The following PCDH15 variants were observed in gnomAD, a reference collection of about 807,000 sequenced individuals.
PCDH15 encodes the protein protocadherin-15.
In PCDH15, 129 loss-of-function variants were observed where a neutral mutation model predicts 178.5. The ratio of observed to expected loss-of-function variants is 0.72; its 90% CI spans 0.63 to 0.84. The LOEUF (loss-of-function observed/expected upper bound fraction) is 0.84. PCDH15 is among the 40% of genes least tolerant of loss of function. The pLI is 0.00. For missense variants in PCDH15, 2,230 were observed against 2,099.9 expected (o/e 1.06, Z -1.21); for synonymous variants, 800 against 732.0 (o/e 1.09, Z -1.50).
At position 54,883,365 on chromosome 10, in the gene PCDH15, A is replaced by G. The variant is rs556116344; in HGVS notation, c.-29+14085T>C. ...TGGCTTTCCAAAGAAAAGGAATTTTATAATACATTTTTACTGGATCCTTTG... is the reference window on the plus strand; with the variant it reads ...TGGCTTTCCAAAGAAAAGGAATTTTGTAATACATTTTTACTGGATCCTTTG... On this transcript the variant is annotated intron_variant, in intron 3 of 5. Transcript: ENST00000458638. 4.6e-5 allele frequency among the ~76,000 whole-genome samples: 7 copies of G among 152,184 alleles called. No homozygotes were observed. The South Asian group carries it at 6.2e-4, about 14-fold the overall frequency.
intron 2 of PCDH15, among the ~76,000 whole-genome samples, chr10:55,341,770 TA>T (rs1844565991): frequency 1.5e-4 from 2 of 13,064 alleles, no homozygotes; most frequent in Non-Finnish European, 3.2e-4. Flanking sequence ...TGCATATATA[TA>T]TATATATATA....
intron 14 of PCDH15, among the ~76,000 whole-genome samples, chr10:54,133,285 A>C (rs1002382484): frequency 6.6e-6 from 1 of 152,242 alleles, no homozygotes; most frequent in Non-Finnish European, 1.5e-5. Context: ...AAAGCTAATA[A>C]ATTAACTTGC....
intron 8 of PCDH15, among the ~76,000 whole-genome samples, chr10:54,295,739 C>T (rs1001240822): frequency 2.0e-5 from 3 of 152,176 alleles, no homozygotes; most frequent in South Asian, 2.1e-4. Context: ...TTGGCAACCA[C>T]GAAGGGATAA....
At chr10:54,477,666 G>A (rs868745313) in intron 3 of PCDH15, among the ~76,000 whole-genome samples, 1 of 152,226 alleles carries the variant, frequency 6.6e-6, no homozygotes, top group East Asian at 1.9e-4. Flanking sequence ...ATGCAATCTT[G>A]GCTCACTGCA....
rs950431043 is a variant in PCDH15 at position 53,827,627 on chromosome 10, G to C, written c.4212-79C>G. On this transcript the variant is annotated intron_variant, in intron 31 of 37. Coordinates refer to ENST00000644397, the MANE Select transcript of PCDH15 (RefSeq NM_001384140.1). ...ATCAATAAGCCACCTTTTAATAATG[G>C]GGTCCAGTTATCAGGGGAACCCACT... 3 of 1,538,854 alleles carry C rather than the reference G, an allele frequency of 1.9e-6. No homozygotes were observed. The African/African-American group carries it at 4.1e-5, about 21-fold the overall frequency.
chr10:54,021,537 T>C (rs930657735), intron 19 of PCDH15, among the ~76,000 whole-genome samples: 8 of 151,878 alleles, frequency 5.3e-5, no homozygotes, highest in Non-Finnish European at 7.4e-5. Flanking sequence ...CCCTCACACT[T>C]TCCCATCTTC....
intron 3 of PCDH15, among the ~76,000 whole-genome samples, chr10:54,878,067 A>G (rs1330727756): frequency 1.3e-5 from 2 of 148,798 alleles, no homozygotes; most frequent in Non-Finnish European, 1.5e-5. Flanking sequence ...GGTTGAAGCC[A>G]TCCTCCTTCC....
chr10:55,401,076 GT>G (rs1225938716), intron 2 of PCDH15, among the ~76,000 whole-genome samples: 1 of 152,022 alleles, frequency 6.6e-6, no homozygotes, highest in Non-Finnish European at 1.5e-5. Flanking sequence ...CATTTTATGG[GT>G]TGTCCTGGGA....
chr10:54,791,146 A>G (rs1951370770), intron 1 of PCDH15, among the ~76,000 whole-genome samples: 1 of 151,878 alleles, frequency 6.6e-6, no homozygotes, highest in Admixed American at 6.6e-5. Context: ...GGAATCATTA[A>G]TGGTATTTGA....
intron 17 of PCDH15, among the ~76,000 whole-genome samples, chr10:54,073,801 GA>G (rs1158700347): frequency 6.6e-6 from 1 of 152,000 alleles, no homozygotes; most frequent in African/African-American, 2.4e-5. Flanking sequence ...CATTTTAAAT[GA>G]AAAAAATTAC....
chr10:54,325,931 C>G (rs1179185260), intron 7 of PCDH15, among the ~76,000 whole-genome samples: 1 of 151,758 alleles, frequency 6.6e-6, no homozygotes, highest in African/African-American at 2.4e-5. Flanking sequence ...AATAAGCAAA[C>G]AAACAAACAA....
At chr10:54,289,594 G>A (rs1048807333) in intron 8 of PCDH15, among the ~76,000 whole-genome samples, 69 of 152,066 alleles carry the variant, frequency 4.5e-4, no homozygotes, top group African/African-American at 1.6e-3. Flanking sequence ...AATAACAAAC[G>A]TCTCCAAGCT....
chr10:55,465,898 T>G (rs1358363894), intron 2 of PCDH15, among the ~76,000 whole-genome samples: 1 of 152,140 alleles, frequency 6.6e-6, no homozygotes, highest in Non-Finnish European at 1.5e-5. Flanking sequence ...TACAAGAAAA[T>G]TCTAACATCT....
chr10:55,223,881 A>G (rs1840953437), intron 1 of PCDH15, among the ~76,000 whole-genome samples: 1 of 152,190 alleles, frequency 6.6e-6, no homozygotes, highest in South Asian at 2.1e-4. Context: ...TGAAAATTTT[A>G]CCTTTCAGTT....
chr10:54,140,971 C>G (rs150173074), intron 14 of PCDH15, among the ~76,000 whole-genome samples: 1 of 152,240 alleles, frequency 6.6e-6, no homozygotes, highest in East Asian at 1.9e-4. Context: ...CATGAGCCAC[C>G]ATGCCTGACC....
At chr10:55,151,066 T>C (rs1838696862) in intron 2 of PCDH15, among the ~76,000 whole-genome samples, 1 of 152,100 alleles carries the variant, frequency 6.6e-6, no homozygotes, top group Non-Finnish European at 1.5e-5. Flanking sequence ...TATTCAACAA[T>C]GATACAGATT....
At position 54,811,675 on chromosome 10, in the gene PCDH15, T is replaced by G. The variant is rs11004583; in HGVS notation, c.-29+85775A>C. On this transcript the variant is annotated intron_variant, in intron 3 of 5. Coordinates refer to the PCDH15 transcript ENST00000458638. The stretch of plus-strand genomic sequence containing the variant: ...TAGTAGAGACGGGGTTTCACCATGT[T>G]GGCCAGGATGGTCTCGATCTCCTGA... Among the ~76,000 whole-genome samples the G allele has an allele frequency of 8.8e-4, 134 of 152,228 alleles. No homozygotes were observed. The East Asian group carries it at 0.024, about 27-fold the overall frequency.
At chr10:54,092,966 T>C (rs548204714) in intron 15 of PCDH15, among the ~76,000 whole-genome samples, 3 of 152,302 alleles carry the variant, frequency 2.0e-5, no homozygotes, top group Admixed American at 6.5e-5. Context: ...AAGAAATGCA[T>C]TCTGAAACAA....
intron 3 of PCDH15, among the ~76,000 whole-genome samples, chr10:54,453,155 G>A (rs1178885262): frequency 2.6e-5 from 4 of 152,012 alleles, no homozygotes; most frequent in Non-Finnish European, 5.9e-5. Flanking sequence ...CCATTACTGG[G>A]TATATACCCA....
Sources: allele counts gnomAD v4.1 joint callset (sites outside exome capture counted in the v4.1 genomes callset), GRCh38; gene constraint gnomAD v4.1.1; transcripts MANE v1.5; gene names NCBI Gene and HGNC (gene_info 2026-07-23, HGNC 2026-07-21).